NOA1: variants seen among roughly 807,000 people sequenced by gnomAD.
NOA1 encodes the protein nitric oxide associated 1, also known as nitric oxide-associated protein 1.
A neutral mutation model predicts 58.4 loss-of-function variants in NOA1; 35 were observed. The ratio of observed to expected loss-of-function variants is 0.60; its 90% confidence interval spans 0.46 to 0.79. NOA1 has a LOEUF of 0.79. NOA1 is among the 30% of genes least tolerant of loss of function. The pLI is 0.00. For synonymous variants in NOA1, 397 were observed against 373.4 expected, an observed-to-expected ratio of 1.06 and a Z score of -0.73; for missense variants, 895 against 894.6, an observed-to-expected ratio of 1.00 and a Z score of -0.01.
rs1560462536 is a variant in NOA1 at position 56,963,407 on chromosome 4, T to C, written c.*43A>G. 4 of 1,401,946 alleles carry C rather than the reference T, an allele frequency of 2.9e-6. No homozygotes were observed. The South Asian group carries it at 3.5e-5, about 12-fold the overall frequency. 86.8% of individuals were successfully genotyped at this position (1,401,946 alleles called of 1,614,324 possible). On this transcript the variant is annotated 3_prime_UTR_variant, in exon 7 of 7. Transcript: ENST00000264230. ...TTTAATACAAATTCAATGTATTTTG[T>C]TGTGTTCAATACAGTTAATATCTGG...
chr4:56,977,336 G>A lies in NOA1; in HGVS notation c.250C>T (p.Gln84Ter), dbSNP rs1342443213. ...TGCAGCTGCTTTTCGCGGGTGGGTT[G>A]CGGCTCCGGATCCAGGATGTACTCC... ...FPEYILDPEP[Q>*]PTREKQLQEL... Residue 84 changes from glutamine (Q) to a stop codon, truncating the protein, a stop_gained, in exon 1 of 7, where the codon CAA (glutamine) becomes TAA (stop). Coordinates refer to ENST00000264230, the MANE Select transcript of NOA1 (RefSeq NM_032313.4). LOFTEE classifies it high-confidence loss of function. 4 of 1,614,186 alleles carry A rather than the reference G, an allele frequency of 2.5e-6. No individual in the cohort carries two copies. Among genetic ancestry groups the A allele is most frequent in the Non-Finnish European group, 3.4e-6 (4 of 1,180,028 alleles).
rs758960809 is a variant in NOA1, at chr4:56,976,531, G to C, written c.1055C>G (p.Ser352Cys). The part of the protein sequence containing the change: ...YLVGATNAGK[S>C]TLFNTLLESD... The stretch of plus-strand genomic sequence containing the variant: ...CTCCAGGAGCGTGTTAAAGAGAGTG[G>C]ATTTGCCGGCGTTGGTGGCGCCCAC... Residue 352 changes from serine (S) to cysteine (C), a missense_variant, in exon 1 of 7, where the codon TCC (serine) becomes TGC (cysteine). Around this residue, in one of 3 missense-constraint regions of NOA1, gnomAD observed 680 missense variants for 656.5 expected, o/e 1.04. Coordinates refer to ENST00000264230, the MANE Select transcript of NOA1 (RefSeq NM_032313.4). The C allele has an allele frequency of 6.2e-7, 1 of 1,614,260 alleles. No individual in the cohort carries two copies. The highest frequency in any genetic ancestry group is 1.1e-5 in the South Asian group (1 of 91,088).
chr4:56,973,754 T>C, intron 2 of NOA1, 104 bp downstream of exon 2: 4 of 1,107,414 alleles, frequency 3.6e-6, no homozygotes, highest in Non-Finnish European at 5.3e-6. Context: ...GAAGGCAGTC[T>C]CTCCCCACAA....
At chr4:56,973,722 G>T in intron 2 of NOA1, 136 bp downstream of exon 2, 1 of 822,064 alleles carries the variant, frequency 1.2e-6, no homozygotes. Context: ...ATCGCTAAAG[G>T]GCCTCTTTGT....
rs534186716 is a variant in NOA1 at position 56,971,039 on chromosome 4, G to A, written c.1515+2109C>T. Among the ~76,000 whole-genome samples the A allele has an allele frequency of 7.9e-5, 12 of 152,176 alleles. No individual in the cohort carries two copies. The South Asian group carries it at 1.7e-3, about 21-fold the overall frequency. On this transcript the variant is annotated intron_variant, in intron 3 of 6. Coordinates refer to ENST00000264230, the MANE Select transcript of NOA1 (RefSeq NM_032313.4). ...CTGAAAGGGAAGAATTAGTCTGGGC[G>A]TAGTGGCTCCCATCCACAATCCTAG...
At position 56,977,188 on chromosome 4, in the gene NOA1, G is replaced by A; in HGVS notation, c.398C>T (p.Ala133Val). The A allele has an allele frequency of 1.3e-6, 2 of 1,565,190 alleles. No individual in the cohort carries two copies. The highest frequency in any genetic ancestry group is 1.7e-6 in the Non-Finnish European group (2 of 1,158,914). Residue 133 changes from alanine to valine, a missense_variant, in exon 1 of 7, where the codon GCA becomes GTA. By Grantham distance (64) the Ala-to-Val change is moderately conservative (BLOSUM62 0). Transcript: ENST00000264230. The stretch of plus-strand genomic sequence containing the variant: ...GCAGTTCACGCCGCTGGGCGGCAAT[G>A]CCGGGTCCGGGTGCCCCACGACCGG... ...EHPVVGHPDP[A>V]LPPSGVNCSG...
rs1721977638 is a variant in NOA1 at position 56,977,539 on chromosome 4, C to G, written c.47G>C (p.Arg16Pro). ...GCGCGCTGCCGTGGGAGCGGATCCA[C>G]GAAGGAAAAGGCTCAGCAGCCTGAA... Reference protein sequence around the residue: ...LPFRLLSLFLRGSAPTAARHG... With the variant: ...LPFRLLSLFLPGSAPTAARHG... The change falls in exon 1 of 7, where the codon CGT (arginine) becomes CCT (proline). Residue 16 changes from arginine to proline, a missense_variant. Arg to Pro is a moderately radical substitution (Grantham distance 103, BLOSUM62 -2). Coordinates refer to ENST00000264230, the MANE Select transcript of NOA1 (RefSeq NM_032313.4). 6.2e-7 allele frequency: 1 copy of G among 1,611,778 alleles called. No homozygotes were observed. The highest frequency in any genetic ancestry group is 1.3e-5 in the African/African-American group (1 of 74,992).
chr4:56,976,290 G>A, intron 1 of NOA1, 152 bp downstream of exon 1: 1 of 650,448 alleles, frequency 1.5e-6, no homozygotes, highest in Non-Finnish European at 2.6e-6. Context: ...TGACACAGAA[G>A]AGAGGTGTGA....
At position 56,968,510 on chromosome 4, in the gene NOA1, T is replaced by C. The variant is rs1167005617; in HGVS notation, c.1521A>G (p.Leu507=). 6.3e-7 allele frequency: 1 copy of C among 1,588,994 alleles called. No homozygotes were observed. The highest frequency in any genetic ancestry group is 1.8e-5 in the Admixed American group (1 of 54,700). ...TTACTTCTTTTTCTGTTAGAAGATT[T>C]AAAATCTGTGAAGCAAATGGCAGAT... ...TPGITKENCI[L]NLLTEKEVNI... Residue 507 remains leucine, a synonymous_variant, in exon 4 of 7, where the codon TTA becomes TTG. Coordinates refer to ENST00000264230, the MANE Select transcript of NOA1 (RefSeq NM_032313.4).
Position 56,976,487 on chromosome 4 carries a change from T to TG in NOA1, c.1098dup (p.Lys367GlnfsTer36). 1 of 1,614,200 alleles carries TG rather than the reference T, an allele frequency of 6.2e-7. No homozygotes were observed. On this transcript the variant is annotated frameshift_variant, in exon 1 of 7. Transcript: ENST00000264230. LOFTEE classifies it high-confidence loss of function. ...GCTCTGTCGATGGCCTCGGAGCCCTTGGCAGTGCAGTAATCGGACTCCAGG... is the reference window on the plus strand; with the variant it reads ...GCTCTGTCGATGGCCTCGGAGCCCTTGGGCAGTGCAGTAATCGGACTCCAGG...
chr4:56,964,339 T>G, intron 6 of NOA1, 67 bp downstream of exon 6: 1 of 1,598,598 alleles, frequency 6.3e-7, no homozygotes, highest in Non-Finnish European at 8.6e-7. Flanking sequence ...AGTGCTGGGA[T>G]TACAGGTGTG....
chr4:56,967,379 CA>C (rs33995434), intron 4 of NOA1, among the ~76,000 whole-genome samples: 78 of 123,144 alleles, frequency 6.3e-4, no homozygotes, highest in Middle Eastern at 3.8e-3. Flanking sequence ...GATGCTGTTT[CA>C]AAAAAAAAAA....
In NOA1 at chr4:56,976,697, C is replaced by T. The variant is rs778665399; in HGVS notation, c.889G>A (p.Gly297Arg). The T allele has an allele frequency of 5.6e-6, 9 of 1,613,364 alleles. No homozygotes were observed. The highest frequency in any genetic ancestry group is 7.6e-6 in the Non-Finnish European group (9 of 1,179,622). ...CAGTTCGGCGGATTCGGATTCTCCC[C>T]GTCCTGTGGCTCGTCCTTGACGGGG... is the stretch of plus-strand genomic sequence containing the variant. ...QRPVKDEPQD[G>R]ENPNPPNWSR... Residue 297 changes from glycine (G) to arginine (R), a missense_variant, in exon 1 of 7, where the codon GGG (glycine) becomes AGG (arginine). Physicochemically the swap from Gly to Arg is moderately radical, Grantham distance 125. Around this residue, in one of 3 missense-constraint regions of NOA1, gnomAD observed 680 missense variants for 656.5 expected, o/e 1.04. Transcript: ENST00000264230.
chr4:56,976,057 C>G (rs1721914755), intron 1 of NOA1, among the ~76,000 whole-genome samples: 1 of 152,038 alleles, frequency 6.6e-6, no homozygotes, highest in Admixed American at 6.5e-5. Context: ...CAAAACAAAA[C>G]AAACAAACAA....
Position 56,964,401 on chromosome 4 carries a change from A to T in NOA1, c.1885+5T>A. The T allele has an allele frequency of 6.2e-7, 1 of 1,614,002 alleles. No individual in the cohort carries two copies. On this transcript the variant is annotated splice_donor_5th_base_variant and intron_variant, in intron 6 of 6. Transcript: ENST00000264230. ...CTTTTTAAAAAGTGCTTGGCATAAA[A>T]TTACCTGCAGAGGAAAACTTGATGT...
intron 4 of NOA1, among the ~76,000 whole-genome samples, chr4:56,967,460 A>G (rs1191240593): frequency 1.3e-5 from 2 of 152,174 alleles, no homozygotes; most frequent in Admixed American, 1.3e-4. Context: ...AACGAAATAT[A>G]TAAGGGTTCT....
In NOA1 at chr4:56,963,485, T is replaced by C. The variant is rs373594983; in HGVS notation, c.2062A>G (p.Asn688Asp). ...ATCTTTCCTTTCTTCTTCCTCACGT[T>C]GTACATAAGGGAAGGAGGCTTCTTG... is the stretch of plus-strand genomic sequence containing the variant. ...KTKKPPSLMY[N>D]VRKKKGKINV The change falls in exon 7 of 7, where the codon AAC becomes GAC. Residue 688 changes from asparagine (N) to aspartate (D), a missense_variant. This residue lies in a region of NOA1 where 212 missense variants were observed against 221.3 expected (regional missense o/e 0.96). Coordinates refer to ENST00000264230, the MANE Select transcript of NOA1 (RefSeq NM_032313.4). The C allele has an allele frequency of 4.0e-5, 64 of 1,613,988 alleles. No homozygotes were observed. The highest frequency in any genetic ancestry group is 5.3e-5 in the Non-Finnish European group (62 of 1,180,006).
intron 5 of NOA1, 146 bp downstream of exon 5, chr4:56,966,474 A>G: frequency 1.7e-6 from 1 of 584,416 alleles, no homozygotes; most frequent in Non-Finnish European, 3.0e-6. Flanking sequence ...CTTTATAGCC[A>G]GAATTCTCAA....
chr4:56,972,806 G>T (rs1721830674), intron 3 of NOA1, among the ~76,000 whole-genome samples: 1 of 152,156 alleles, frequency 6.6e-6, no homozygotes, highest in South Asian at 2.1e-4. Flanking sequence ...CAGCAATGAA[G>T]TCTATCAAAT....
Sources: allele counts gnomAD v4.1 joint callset (sites outside exome capture counted in the v4.1 genomes callset), GRCh38; gene constraint gnomAD v4.1.1; regional missense constraint gnomAD v4.1.1; transcripts MANE v1.5; gene names NCBI Gene and HGNC (gene_info 2026-07-23, HGNC 2026-07-21).